BRDT: variants seen among roughly 807,000 people sequenced by gnomAD.
The protein encoded by BRDT is bromodomain testis associated, also known as bromodomain testis-specific protein.
Under a neutral mutation model 113.9 loss-of-function variants are expected in BRDT, and 77 were observed. The observed-to-expected ratio is 0.68, with a 90% CI of 0.56 to 0.82. The LOEUF is 0.82. Ranked by LOEUF, BRDT falls within the 40% of genes least tolerant of loss-of-function variation. The pLI, the probability that BRDT is intolerant of heterozygous loss-of-function variation, is 0.00. For synonymous variants in BRDT, 358 were observed against 366.5 expected (o/e 0.98, Z 0.26); for missense variants, 1,027 against 1,105.4 (o/e 0.93, Z 1.01).
chr1:91,967,689 C>T (rs1425993971), intron 3 of BRDT, among the ~76,000 whole-genome samples: 2 of 151,874 alleles, frequency 1.3e-5, no homozygotes, highest in Admixed American at 1.3e-4. Context: ...TGAGCCACCG[C>T]GCCCAGCCTA....
At chr1:91,974,849 A>C (rs1272199087) in intron 4 of BRDT, among the ~76,000 whole-genome samples, 3 of 152,342 alleles carry the variant, frequency 2.0e-5, no homozygotes, top group Non-Finnish European at 1.5e-5. Flanking sequence ...TTATTGTGGC[A>C]CTATTCACAA....
chr1:91,960,684 G>T (rs981062642), intron 1 of BRDT, among the ~76,000 whole-genome samples: 4 of 152,150 alleles, frequency 2.6e-5, no homozygotes, highest in African/African-American at 9.7e-5. Context: ...GTAAATTTTG[G>T]TATGTTTTAC....
Position 91,980,720 on chromosome 1 carries a change from TAAAAAGGAAAAGA to T in BRDT, c.1372_1384del (p.Glu458LysfsTer17). ...AGCTAAATAAAAAGAAAGAGAAGTCTAAAAAGGAAAAGAAAAAAGAAAAGGTTAATAACAGCAA... is the reference window on the plus strand; with the variant it reads ...AGCTAAATAAAAAGAAAGAGAAGTCTAAAAAGAAAAGGTTAATAACAGCAA... On this transcript the variant is annotated frameshift_variant, in exon 9 of 19. Transcript: ENST00000399546. LOFTEE classifies it high-confidence loss of function. 1.9e-6 allele frequency: 3 copies of T among 1,607,018 alleles called. No individual in the cohort carries two copies. The South Asian group carries it at 3.4e-5, about 18-fold the overall frequency.
At position 91,964,646 on chromosome 1, in the gene BRDT, A is replaced by C. The variant is rs765131878; in HGVS notation, c.212A>C (p.Lys71Thr). Residue 71 changes from lysine (K) to threonine (T), a missense_variant, in exon 3 of 19, where the codon AAA (lysine) becomes ACA (threonine). By Grantham distance (78) the Lys-to-Thr change is moderately conservative. Coordinates refer to ENST00000399546, the MANE Select transcript of BRDT (RefSeq NM_207189.4). ...CCATAGGATTATTATACCATTATAA[A>C]AAACCCAATGGATTTAAATACAATT... ...LQLPDYYTII[K>T]NPMDLNTIKK... 7.1e-5 allele frequency: 103 copies of C among 1,441,786 alleles called. No individual in the cohort carries two copies. The highest frequency in any genetic ancestry group is 8.8e-5 in the Non-Finnish European group (92 of 1,051,276). The allele number at this position is 1,441,786 out of a possible 1,614,324, so 89.3% of individuals were successfully genotyped here. A position where few individuals can be genotyped will look rare whatever the true frequency, so the allele number is the denominator to read the frequency against.
intron 18 of BRDT, among the ~76,000 whole-genome samples, chr1:92,009,545 CTTTTTTTTT>C (rs59044630): frequency 1.9e-5 from 2 of 103,412 alleles, no homozygotes; most frequent in South Asian, 3.5e-4. Flanking sequence ...CAACTTGCCA[CTTTTTTTTT>C]TTTTTTTTTT....
At chr1:91,972,721 C>T (rs1252952123) in intron 4 of BRDT, among the ~76,000 whole-genome samples, 1 of 152,154 alleles carries the variant, frequency 6.6e-6, no homozygotes, top group Non-Finnish European at 1.5e-5. Flanking sequence ...CCTCACTATG[C>T]ATATCTAATT....
At position 91,964,700 on chromosome 1, in the gene BRDT, C is replaced by A; in HGVS notation, c.266C>A (p.Ala89Glu). ...IKKRLENKYY[A>E]KASECIEDFN... ...AAGCGCTTGGAGAATAAATATTATG[C>A]GAAGGCTTCAGAATGTATAGAAGAC... Residue 89 changes from alanine (A) to glutamate (E), a missense_variant, in exon 3 of 19, where the codon GCG becomes GAG. Physicochemically the swap from Ala to Glu is moderately radical, Grantham distance 107. Coordinates refer to ENST00000399546, the MANE Select transcript of BRDT (RefSeq NM_207189.4). 6.6e-7 allele frequency: 1 copy of A among 1,523,672 alleles called. No homozygotes were observed. The highest frequency in any genetic ancestry group is 9.0e-7 in the Non-Finnish European group (1 of 1,114,630). The allele number at this position is 1,523,672 out of a possible 1,614,324, so 94.4% of individuals were successfully genotyped here. A position where few individuals can be genotyped will look rare whatever the true frequency, so the allele number is the denominator to read the frequency against.
chr1:92,006,808 A>G (rs1182190876), intron 18 of BRDT, among the ~76,000 whole-genome samples: 2 of 149,872 alleles, frequency 1.3e-5, no homozygotes, highest in African/African-American at 4.9e-5. Flanking sequence ...TTTTTTTGAG[A>G]CAGAATTTTG....
At chr1:91,963,475 T>C (rs1183385463) in intron 2 of BRDT, among the ~76,000 whole-genome samples, 1 of 152,218 alleles carries the variant, frequency 6.6e-6, no homozygotes, top group Non-Finnish European at 1.5e-5. Flanking sequence ...TTTCTTATTA[T>C]AGTATATGTC....
chr1:92,011,644 C>T (rs2101840819), intron 18 of BRDT, among the ~76,000 whole-genome samples: 1 of 152,208 alleles, frequency 6.6e-6, no homozygotes, highest in South Asian at 2.1e-4. Flanking sequence ...AGTTGCGGCC[C>T]AACAACACAA....
chr1:91,980,259 A>C (rs1684586086), intron 8 of BRDT, among the ~76,000 whole-genome samples: 1 of 152,090 alleles, frequency 6.6e-6, no homozygotes, highest in South Asian at 2.1e-4. Flanking sequence ...AATCAAAAAA[A>C]CGAGGCAGGA....
chr1:91,999,401 C>T (rs1004531719), intron 15 of BRDT, among the ~76,000 whole-genome samples: 21 of 152,124 alleles, frequency 1.4e-4, no homozygotes, highest in African/African-American at 4.1e-4. Context: ...GAGTTGGACC[C>T]TTGACATACT....
intron 18 of BRDT, among the ~76,000 whole-genome samples, chr1:92,008,315 A>G (rs529396868): frequency 2.6e-5 from 4 of 152,194 alleles, no homozygotes; most frequent in African/African-American, 4.8e-5. Context: ...TCCGCTGGCA[A>G]TAGTTCTTTC....
intron 17 of BRDT, 41 bp from the exon 18 acceptor site, chr1:92,005,078 G>T: frequency 7.3e-7 from 1 of 1,363,560 alleles, no homozygotes; most frequent in South Asian, 2.0e-5. Flanking sequence ...TACTTTTAAG[G>T]AACTTGAAAC....
At chr1:91,994,004 G>T in intron 14 of BRDT, 79 bp from the exon 15 acceptor site, 1 of 1,144,272 alleles carries the variant, frequency 8.7e-7, no homozygotes, top group Non-Finnish European at 1.2e-6. Flanking sequence ...TTATATTCTT[G>T]ACTCTTGTGT....
At chr1:91,955,454 A>G (rs1337039581) in intron 1 of BRDT, among the ~76,000 whole-genome samples, 1 of 152,290 alleles carries the variant, frequency 6.6e-6, no homozygotes, top group East Asian at 1.9e-4. Flanking sequence ...ACTCCATCTT[A>G]AAAACAAAAC....
At chr1:91,960,104 G>A (rs957624872) in intron 1 of BRDT, among the ~76,000 whole-genome samples, 1 of 152,174 alleles carries the variant, frequency 6.6e-6, no homozygotes, top group Non-Finnish European at 1.5e-5. Context: ...TAGTGGGAAT[G>A]TGAAATCATG....
intron 18 of BRDT, among the ~76,000 whole-genome samples, chr1:92,006,569 C>T (rs181360043): frequency 7.9e-5 from 12 of 151,944 alleles, no homozygotes; most frequent in Admixed American, 3.9e-4. Flanking sequence ...TGGGTTCAAG[C>T]GATTCTTCTG....
intron 8 of BRDT, 46 bp from the exon 9 acceptor site, chr1:91,980,593 TTTAA>T: frequency 7.4e-7 from 1 of 1,342,486 alleles, no homozygotes; most frequent in African/African-American, 1.5e-5. Context: ...TTCTAGTTTC[TTTAA>T]TTATTTAGAG....
Sources: gnomAD v4.1 joint callset for allele counts (sites outside exome capture counted in the v4.1 genomes callset) on GRCh38, gnomAD v4.1.1 for gene constraint, MANE v1.5 for transcripts, NCBI Gene and HGNC (gene_info 2026-07-23, HGNC 2026-07-21) for gene names.